Variants in PPP2R2B observed in about 807,000 individuals in gnomAD.
The protein encoded by PPP2R2B is protein phosphatase 2 regulatory subunit Bbeta.
PPP2R2B carries 5 observed loss-of-function variants against 46.0 expected under a neutral mutation model. The ratio of observed to expected loss-of-function variants is 0.11; its 90% CI spans 0.06 to 0.23. The LOEUF is 0.23. Ranked by LOEUF, PPP2R2B falls within the 10% of genes least tolerant of loss-of-function variation. The probability of loss-of-function intolerance (pLI) is 1.00; values close to 1 mark genes in which losing one functional copy is unlikely to be tolerated. For synonymous variants in PPP2R2B, 215 were observed against 206.7 expected (o/e 1.04, Z -0.34); for missense variants, 367 against 575.0 (o/e 0.64, Z 3.70).
At chr5:146,870,107 G>A (rs1048744440) in intron 2 of PPP2R2B, among the ~76,000 whole-genome samples, 4 of 152,254 alleles carry the variant, frequency 2.6e-5, no homozygotes, top group East Asian at 1.9e-4. Context: ...ATCCTTCTAC[G>A]TCAAGTGGAG....
chr5:146,939,567 T>G (rs1221180335), intron 1 of PPP2R2B, among the ~76,000 whole-genome samples: 2 of 152,234 alleles, frequency 1.3e-5, no homozygotes, highest in African/African-American at 2.4e-5. Context: ...ACAAACTTTT[T>G]GGTGGCCTAG....
chr5:146,864,688 G>A (rs889249640), intron 2 of PPP2R2B, among the ~76,000 whole-genome samples: 1 of 152,198 alleles, frequency 6.6e-6, no homozygotes, highest in Non-Finnish European at 1.5e-5. Flanking sequence ...CAGAGGCTGA[G>A]AATTGAGCCT....
chr5:146,800,365 T>C (rs1441131825), intron 2 of PPP2R2B, among the ~76,000 whole-genome samples: 1 of 152,092 alleles, frequency 6.6e-6, no homozygotes, highest in East Asian at 1.9e-4. Flanking sequence ...CAGAATGGCA[T>C]CAAGGTTAGG....
At chr5:146,707,011 T>C (rs1779905190) in intron 2 of PPP2R2B, 1 of 998,320 alleles carries the variant, frequency 1.0e-6, no homozygotes, top group Non-Finnish European at 1.6e-6. Context: ...GTAAGCTTCA[T>C]CCACATCCTT....
intron 1 of PPP2R2B, among the ~76,000 whole-genome samples, chr5:146,899,947 G>C (rs927683208): frequency 2.0e-5 from 3 of 152,118 alleles, no homozygotes; most frequent in Admixed American, 6.5e-5. Context: ...CCATATCTAT[G>C]TTAGTAACTA....
chr5:146,751,417 T>A (rs1239848140), intron 2 of PPP2R2B: 1 of 152,238 alleles, frequency 6.6e-6, no homozygotes, highest in Non-Finnish European at 1.5e-5. Flanking sequence ...CCCTTCTAAT[T>A]ACTCACAAGG....
chr5:146,777,469 G>C (rs1423081765), intron 2 of PPP2R2B, among the ~76,000 whole-genome samples: 1 of 152,134 alleles, frequency 6.6e-6, no homozygotes, highest in East Asian at 1.9e-4. Flanking sequence ...ACTACGGAAA[G>C]GGAGAAATGA....
At chr5:147,041,772 T>G (rs561333853) in intron 1 of PPP2R2B, among the ~76,000 whole-genome samples, 1 of 152,306 alleles carries the variant, frequency 6.6e-6, no homozygotes, top group South Asian at 2.1e-4. Flanking sequence ...TTTAACCCTT[T>G]TCTACCATAG....
rs570414365 is a variant in PPP2R2B at position 146,601,454 on chromosome 5, T to TG, written c.791-995dup. Among the ~76,000 whole-genome samples, 9 of 152,206 alleles carry TG rather than the reference T, an allele frequency of 5.9e-5. No individual in the cohort carries two copies. The East Asian group carries it at 1.7e-3, about 29-fold the overall frequency. Reference sequence around the variant, plus strand: ...GCTATAAAAAGTTAGCCAGGCATGGTGGGGCATGCCTGTGGTCCCAGCTAC... The same window carrying TG: ...GCTATAAAAAGTTAGCCAGGCATGGTGGGGGCATGCCTGTGGTCCCAGCTAC... On this transcript the variant is annotated intron_variant, in intron 7 of 9. Transcript: ENST00000394411.
intron 1 of PPP2R2B, among the ~76,000 whole-genome samples, chr5:146,916,537 C>A (rs1383335748): frequency 1.3e-5 from 2 of 152,152 alleles, no homozygotes; most frequent in African/African-American, 2.4e-5. Context: ...TGAATGAATG[C>A]ATGCAGCTAA....
intron 7 of PPP2R2B, among the ~76,000 whole-genome samples, chr5:146,609,075 C>A (rs1284329537): frequency 6.6e-6 from 1 of 152,166 alleles, no homozygotes; most frequent in Non-Finnish European, 1.5e-5. Flanking sequence ...GATCATTCAT[C>A]ATGACCAAGT....
chr5:146,596,977 A>G (rs1178188887), intron 8 of PPP2R2B, among the ~76,000 whole-genome samples: 3 of 152,172 alleles, frequency 2.0e-5, no homozygotes, highest in Non-Finnish European at 4.4e-5. Flanking sequence ...CTCTGAAGAC[A>G]CTCAAGTGGT....
At chr5:146,813,334 T>C (rs1282636903) in intron 2 of PPP2R2B, among the ~76,000 whole-genome samples, 1 of 152,042 alleles carries the variant, frequency 6.6e-6, no homozygotes, top group Non-Finnish European at 1.5e-5. Context: ...GATGCATATT[T>C]TTGAAAATGT....
At chr5:146,953,214 A>T (rs1751705442) in intron 1 of PPP2R2B, among the ~76,000 whole-genome samples, 1 of 152,214 alleles carries the variant, frequency 6.6e-6, no homozygotes, top group African/African-American at 2.4e-5. Flanking sequence ...ATGGCTTCTG[A>T]TAAAGCATTT....
At chr5:146,793,074 G>T (rs971014955) in intron 2 of PPP2R2B, among the ~76,000 whole-genome samples, 1 of 152,162 alleles carries the variant, frequency 6.6e-6, no homozygotes, top group African/African-American at 2.4e-5. Flanking sequence ...GGTAGCAGTG[G>T]AAGTGATGAA....
At chr5:146,981,868 T>C (rs1281798572) in intron 1 of PPP2R2B, among the ~76,000 whole-genome samples, 1 of 152,150 alleles carries the variant, frequency 6.6e-6, no homozygotes, top group Non-Finnish European at 1.5e-5. Context: ...ACAATGAATA[T>C]GCAATAATAA....
chr5:146,654,957 C>T, intron 5 of PPP2R2B, among the ~76,000 whole-genome samples: 1 of 152,160 alleles, frequency 6.6e-6, no homozygotes, highest in East Asian at 1.9e-4. Flanking sequence ...CTTGTCTGAG[C>T]CATGTTGGCA....
intron 2 of PPP2R2B, among the ~76,000 whole-genome samples, chr5:146,810,404 A>G (rs1297766677): frequency 1.3e-5 from 2 of 152,194 alleles, no homozygotes; most frequent in East Asian, 3.8e-4. Context: ...CCATGAAAAC[A>G]GTATGGAGAA....
At chr5:146,845,438 A>C (rs551248130) in intron 2 of PPP2R2B, among the ~76,000 whole-genome samples, 1 of 150,182 alleles carries the variant, frequency 6.7e-6, no homozygotes, top group East Asian at 2.0e-4. Context: ...CACTTTTAGT[A>C]GAGACGGGGT....
Sources: gnomAD v4.1 joint callset for allele counts (sites outside exome capture counted in the v4.1 genomes callset) on GRCh38, gnomAD v4.1.1 for gene constraint, MANE v1.5 for transcripts, NCBI Gene and HGNC (gene_info 2026-07-23, HGNC 2026-07-21) for gene names.